The following RIMS2 variants were observed in gnomAD, a reference collection of about 807,000 sequenced individuals.
RIMS2 encodes regulating synaptic membrane exocytosis protein 2.
Under a neutral mutation model 174.4 loss-of-function variants are expected in RIMS2, and 59 were observed. The ratio of observed to expected loss-of-function variants is 0.34; its 90% confidence interval spans 0.27 to 0.42. The LOEUF (loss-of-function observed/expected upper bound fraction) is 0.42, where lower values mean the gene tolerates loss of function less well. Ranked by LOEUF, RIMS2 falls within the 10% of genes least tolerant of loss-of-function variation. RIMS2 has a pLI of 1.00. For synonymous variants in RIMS2, 606 were observed against 572.5 expected, an observed-to-expected ratio of 1.06 and a Z score of -0.84; for missense variants, 1,620 against 1,666.3, an observed-to-expected ratio of 0.97 and a Z score of 0.48.
chr8:103,914,862 G>T (rs2076364811), intron 6 of RIMS2, among the ~76,000 whole-genome samples: 1 of 151,788 alleles, frequency 6.6e-6, no homozygotes, highest in South Asian at 2.1e-4. Context: ...CTCCACAGCA[G>T]GTATACATAT....
intron 19 of RIMS2, among the ~76,000 whole-genome samples, chr8:104,243,563 GTAAT>G (rs2099313970): frequency 1.3e-5 from 2 of 152,080 alleles, no homozygotes; most frequent in African/African-American, 4.8e-5. Context: ...GTGGTCACCT[GTAAT>G]CCCAGCTACT....
chr8:103,888,142 T>C (rs2099217239), intron 4 of RIMS2, among the ~76,000 whole-genome samples: 1 of 151,474 alleles, frequency 6.6e-6, no homozygotes, highest in African/African-American at 2.4e-5. Flanking sequence ...GGTGAAATTC[T>C]AATATAATAT....
chr8:104,155,971 A>G (rs2098721471), intron 19 of RIMS2, among the ~76,000 whole-genome samples: 1 of 152,130 alleles, frequency 6.6e-6, no homozygotes, highest in Non-Finnish European at 1.5e-5. Context: ...ACCTTACCCT[A>G]GGTTTATACT....
chr8:104,137,737 A>G (rs143704260), intron 19 of RIMS2, among the ~76,000 whole-genome samples: 16 of 152,278 alleles, frequency 1.1e-4, no homozygotes, highest in Non-Finnish European at 1.6e-4. Context: ...TGCTTCACAT[A>G]TATGTTAGAA....
chr8:103,954,881 G>T (rs1396688207), intron 14 of RIMS2, among the ~76,000 whole-genome samples: 1 of 151,880 alleles, frequency 6.6e-6, no homozygotes, highest in Admixed American at 6.6e-5. Flanking sequence ...AAATAGAGAA[G>T]AATAAAATAG....
intron 4 of RIMS2, among the ~76,000 whole-genome samples, chr8:103,907,831 C>T (rs369224676): frequency 1.5e-4 from 22 of 151,644 alleles, no homozygotes; most frequent in African/African-American, 4.6e-4. Flanking sequence ...CTGCAAGTTC[C>T]GCCTCCCGGG....
chr8:103,579,216 T>C (rs1403531898), intron 1 of RIMS2, among the ~76,000 whole-genome samples: 1 of 149,724 alleles, frequency 6.7e-6, no homozygotes, highest in Non-Finnish European at 1.5e-5. Flanking sequence ...GAGGGCAGCA[T>C]AGCAATACTC....
chr8:104,083,973 G>T (rs2097483313), intron 19 of RIMS2, among the ~76,000 whole-genome samples: 1 of 151,822 alleles, frequency 6.6e-6, no homozygotes, highest in African/African-American at 2.4e-5. Flanking sequence ...ATCTGTAAAA[G>T]GTTAAAAAGC....
intron 1 of RIMS2, among the ~76,000 whole-genome samples, chr8:103,603,054 A>C (rs1234600747): frequency 1.3e-5 from 2 of 151,680 alleles, no homozygotes; most frequent in Non-Finnish European, 2.9e-5. Flanking sequence ...TGTGCAGGTT[A>C]GTTACATATG....
At chr8:103,931,480 T>C in intron 12 of RIMS2, 87 bp downstream of exon 14, 1 of 920,634 alleles carries the variant, frequency 1.1e-6, no homozygotes. Context: ...TATCATTTAT[T>C]GGTATCATAC....
At chr8:103,800,514 A>G (rs1343279260) in intron 3 of RIMS2, among the ~76,000 whole-genome samples, 1 of 152,090 alleles carries the variant, frequency 6.6e-6, no homozygotes, top group East Asian at 1.9e-4. Flanking sequence ...TTCTATTACT[A>G]ATTTGCTGAG....
At chr8:104,040,273 T>G (rs953670671) in intron 19 of RIMS2, among the ~76,000 whole-genome samples, 1 of 151,660 alleles carries the variant, frequency 6.6e-6, no homozygotes, top group Non-Finnish European at 1.5e-5. Flanking sequence ...GGTGTTTGAT[T>G]TTAGAATTTG....
intron 9 of RIMS2, among the ~76,000 whole-genome samples, chr8:103,919,058 T>TA (rs1394184798): frequency 6.6e-6 from 1 of 152,202 alleles, no homozygotes; most frequent in African/African-American, 2.4e-5. Context: ...ATCTATAATT[T>TA]AAAAAATTAT....
chr8:103,536,022 G>T (rs559823322), intron 1 of RIMS2, among the ~76,000 whole-genome samples: 2 of 152,282 alleles, frequency 1.3e-5, no homozygotes, highest in East Asian at 3.9e-4. Flanking sequence ...GTTGACACAA[G>T]TAGAGACTAT....
At chr8:104,069,920 T>G (rs1458385922) in intron 19 of RIMS2, among the ~76,000 whole-genome samples, 1 of 152,238 alleles carries the variant, frequency 6.6e-6, no homozygotes, top group Non-Finnish European at 1.5e-5. Flanking sequence ...ACTCATAACA[T>G]GTAGCTGTTA....
intron 19 of RIMS2, among the ~76,000 whole-genome samples, chr8:104,102,141 G>T (rs2097914664): frequency 6.6e-6 from 1 of 152,124 alleles, no homozygotes; most frequent in Non-Finnish European, 1.5e-5. Context: ...TTATCTGCCA[G>T]ATCTGTCCTC....
intron 3 of RIMS2, among the ~76,000 whole-genome samples, chr8:103,824,309 C>A (rs922222440): frequency 1.2e-4 from 18 of 152,038 alleles, no homozygotes; most frequent in Admixed American, 7.9e-4. Context: ...TAGTAAACTT[C>A]TTTAATTCTG....
chr8:104,165,794 CA>C (rs1383003246), intron 19 of RIMS2, among the ~76,000 whole-genome samples: 12 of 151,948 alleles, frequency 7.9e-5, no homozygotes, highest in African/African-American at 2.9e-4. Flanking sequence ...TAGCACTAAG[CA>C]CTTAGATTTT....
Position 103,910,301 on chromosome 8 carries a change from T to TG in RIMS2, c.1692+100_1692+101insG. The TG allele has an allele frequency of 6.5e-7, 1 of 1,549,978 alleles. No homozygotes were observed. Among genetic ancestry groups the TG allele is most frequent in the Non-Finnish European group, 8.7e-7 (1 of 1,146,732 alleles). On this transcript the variant is annotated intron_variant, in intron 5 of 23. Coordinates refer to ENST00000504942, the Ensembl canonical transcript of RIMS2. ...GTTTCTTTTTTGTATCTTTTTTTTTTTTTTATCCCATACCTGTAGGGGACA... is the reference window on the plus strand; with the variant it reads ...GTTTCTTTTTTGTATCTTTTTTTTTTGTTTTATCCCATACCTGTAGGGGACA...
Sources: allele counts gnomAD v4.1 joint callset (sites outside exome capture counted in the v4.1 genomes callset), GRCh38; gene constraint gnomAD v4.1.1; transcripts MANE v1.5; gene names NCBI Gene and HGNC (gene_info 2026-07-23, HGNC 2026-07-21).